Variants in MET observed in about 807,000 individuals in gnomAD.
MET encodes hepatocyte growth factor receptor.
In MET, 48 loss-of-function variants were observed where a neutral mutation model predicts 133.1. The ratio of observed to expected loss-of-function variants is 0.36; its 90% CI spans 0.29 to 0.46. The LOEUF (loss-of-function observed/expected upper bound fraction) is 0.46, where lower values mean the gene tolerates loss of function less well. Among genes scored for constraint, MET ranks in the 20% least tolerant of loss-of-function variants. MET has a pLI of 1.00. For synonymous variants in MET, 628 were observed against 616.5 expected (o/e 1.02, Z -0.28); for missense variants, 1,442 against 1,695.9 (o/e 0.85, Z 2.63).
intron 2 of MET, among the ~76,000 whole-genome samples, chr7:116,729,466 A>G (rs1792912124): frequency 6.6e-6 from 1 of 152,256 alleles, no homozygotes; most frequent in South Asian, 2.1e-4. Flanking sequence ...GTCGCTATAC[A>G]GAAGGATAAC....
intron 1 of MET, among the ~76,000 whole-genome samples, chr7:116,676,892 C>A (rs576278455): frequency 6.6e-6 from 1 of 152,088 alleles, no homozygotes; most frequent in Non-Finnish European, 1.5e-5. Context: ...ACAGTGCCTG[C>A]CATCATTAGC....
chr7:116,683,351 G>A (rs903945350), intron 1 of MET, among the ~76,000 whole-genome samples: 2 of 152,150 alleles, frequency 1.3e-5, no homozygotes, highest in African/African-American at 4.8e-5. Flanking sequence ...AAGGATAACA[G>A]CCTCCAATTC....
chr7:116,737,974 G>A (rs767654490), intron 3 of MET, among the ~76,000 whole-genome samples: 2 of 152,090 alleles, frequency 1.3e-5, no homozygotes, highest in Admixed American at 6.5e-5. Context: ...TTATGTAGCC[G>A]GTCTAAGTAG....
rs896985799 is a variant in MET, at chr7:116,684,459, G to A, written c.-15+11882G>A. On this transcript the variant is annotated intron_variant, in intron 1 of 20. Transcript: ENST00000397752. ...ATAAGTTACTATATAGTGTGGTAAA[G>A]GCTAGATAAGGGGAAGACAGGTTTG... 5.9e-5 allele frequency among the ~76,000 whole-genome samples: 9 copies of A among 152,326 alleles called. No individual in the cohort carries two copies. In the East Asian group the frequency reaches 1.3e-3, roughly 23 times the overall value.
rs564179426 is a variant in MET, at chr7:116,781,715, ACAC to A, written c.3523-266_3523-264del. On this transcript the variant is annotated intron_variant, in intron 17 of 20. Coordinates refer to ENST00000397752, the MANE Select transcript of MET (RefSeq NM_000245.4). ...CCTAAGCAGCTGGGACTATAGGTGC[ACAC>A]CACCACACCAGGCTAATTTTTTTGT... Among the ~76,000 whole-genome samples, 275 of 152,166 alleles carry A rather than the reference ACAC, an allele frequency of 1.8e-3. No homozygotes were observed. The Middle Eastern group carries it at 0.024, about 13-fold the overall frequency.
chr7:116,761,721 A>C (rs998068389), intron 10 of MET, among the ~76,000 whole-genome samples: 1 of 152,118 alleles, frequency 6.6e-6, no homozygotes, highest in African/African-American at 2.4e-5. Flanking sequence ...CATCAGGAAT[A>C]AATAACTTTT....
At chr7:116,749,968 G>T (rs1390101748) in intron 5 of MET, among the ~76,000 whole-genome samples, 1 of 152,140 alleles carries the variant, frequency 6.6e-6, no homozygotes, top group Non-Finnish European at 1.5e-5. Flanking sequence ...CATGCTCATG[G>T]ATAGGAAGAC....
chr7:116,731,406 G>A lies in MET; in HGVS notation c.1201-262G>A, dbSNP rs541973573. Among the ~76,000 whole-genome samples the A allele has an allele frequency of 2.1e-4, 32 of 152,330 alleles. No homozygotes were observed. In the South Asian group the frequency reaches 6.4e-3, roughly 31 times the overall value. On this transcript the variant is annotated intron_variant, in intron 2 of 20. Coordinates refer to ENST00000397752, the MANE Select transcript of MET (RefSeq NM_000245.4). ...TTTTGTTTTTCTTATAATAGCAGCA[G>A]CTAAGTTCCATTTTTAGGCGTGCAC... is the stretch of plus-strand genomic sequence containing the variant.
chr7:116,704,013 T>C (rs1791677445), intron 2 of MET, among the ~76,000 whole-genome samples: 1 of 152,068 alleles, frequency 6.6e-6, no homozygotes, highest in African/African-American at 2.4e-5. Context: ...GCCAACATCT[T>C]GATGACCTTA....
intron 12 of MET, among the ~76,000 whole-genome samples, chr7:116,770,442 T>C (rs1253485771): frequency 6.6e-6 from 1 of 152,202 alleles, no homozygotes; most frequent in African/African-American, 2.4e-5. Context: ...GTTTGCCATT[T>C]TGACCATTTT....
chr7:116,711,613 A>T (rs1554382033), intron 2 of MET, among the ~76,000 whole-genome samples: 1 of 151,972 alleles, frequency 6.6e-6, no homozygotes, highest in Non-Finnish European at 1.5e-5. Context: ...ATTGTATATT[A>T]TCATTCCAGA....
At chr7:116,788,823 TG>T (rs1312170986) in intron 19 of MET, among the ~76,000 whole-genome samples, 1 of 152,220 alleles carries the variant, frequency 6.6e-6, no homozygotes, top group Non-Finnish European at 1.5e-5. Context: ...GCTTGTAGAT[TG>T]GGTTTTCTTT....
chr7:116,796,137 GTCA>G lies in MET; in HGVS notation c.*14_*16del. 1.9e-6 allele frequency: 3 copies of G among 1,609,796 alleles called. No homozygotes were observed. The highest frequency in any genetic ancestry group is 1.3e-5 in the African/African-American group (1 of 74,986). ...GGAGACATCATAGTGCTAGTACTAT[GTCA>G]AAGCAACAGTCCACACTTTGTCCAA... On this transcript the variant is annotated 3_prime_UTR_variant, in exon 21 of 21. Transcript: ENST00000397752.
intron 3 of MET, among the ~76,000 whole-genome samples, chr7:116,735,758 C>A (rs1793186552): frequency 6.7e-6 from 1 of 149,400 alleles, no homozygotes; most frequent in Non-Finnish European, 1.5e-5. Context: ...TAGTTTTAAC[C>A]CTAAAGAATG....
At chr7:116,753,841 A>T (rs1248182985) in intron 5 of MET, among the ~76,000 whole-genome samples, 3 of 152,268 alleles carry the variant, frequency 2.0e-5, no homozygotes, top group South Asian at 4.1e-4. Flanking sequence ...ATCTTCAGTC[A>T]TTAATAAATG....
At chr7:116,744,294 A>G (rs1242472268) in intron 5 of MET, among the ~76,000 whole-genome samples, 1 of 152,230 alleles carries the variant, frequency 6.6e-6, no homozygotes, top group East Asian at 1.9e-4. Context: ...AACCTTGAAA[A>G]AAAAGCTAGA....
chr7:116,796,180 C>A lies in MET; in HGVS notation c.*56C>A. ...ACTTTGTCCAATGGTTTTTTCACTG[C>A]CTGACCTTTAAAAGGCCATCGATAT... On this transcript the variant is annotated 3_prime_UTR_variant, in exon 21 of 21. Coordinates refer to ENST00000397752, the MANE Select transcript of MET (RefSeq NM_000245.4). 6.6e-7 allele frequency: 1 copy of A among 1,516,416 alleles called. No homozygotes were observed. Among genetic ancestry groups the A allele is most frequent in the Non-Finnish European group, 9.1e-7 (1 of 1,094,950 alleles). The allele number at this position is 1,516,416 out of a possible 1,614,324, so 93.9% of individuals were successfully genotyped here. A position where few individuals can be genotyped will look rare whatever the true frequency, so the allele number is the denominator to read the frequency against.
intron 5 of MET, chr7:116,741,226 G>A: frequency 3.2e-6 from 2 of 616,070 alleles, no homozygotes; most frequent in South Asian, 1.9e-5. Flanking sequence ...GCAGGGAGGG[G>A]GTGGTGTTTG....
At chr7:116,677,963 T>C (rs1796216758) in intron 1 of MET, among the ~76,000 whole-genome samples, 1 of 144,332 alleles carries the variant, frequency 6.9e-6, no homozygotes, top group South Asian at 2.3e-4. Context: ...CTTTGGAATA[T>C]TGTCTTTCTC....
Sources: allele counts gnomAD v4.1 joint callset (sites outside exome capture counted in the v4.1 genomes callset), GRCh38; gene constraint gnomAD v4.1.1; transcripts MANE v1.5; gene names NCBI Gene and HGNC (gene_info 2026-07-23, HGNC 2026-07-21).